Variants in ZNF774 observed in about 807,000 individuals in gnomAD.
The protein encoded by ZNF774 is zinc finger protein 774.
ZNF774 carries 14 observed loss-of-function variants against 11.1 expected under a neutral mutation model. That is an observed-to-expected ratio of 1.26 (90% confidence interval 0.83 to 1.97). The LOEUF (loss-of-function observed/expected upper bound fraction) is 1.97. Ranked by LOEUF, ZNF774 falls within the 30% of genes most tolerant of loss-of-function variation. The pLI, the probability that ZNF774 is intolerant of heterozygous loss-of-function variation, is 0.00. For synonymous variants in ZNF774, 195 were observed against 212.6 expected (o/e 0.92, Z 0.72); for missense variants, 599 against 587.0 (o/e 1.02, Z -0.21).
chr15:90,360,712 A>G lies in ZNF774; in HGVS notation c.881A>G (p.Asn294Ser). Reference sequence around the variant, plus strand: ...ACAGGGGTGAAGCCTTACAGGTGTAATGACTGTGGGGAGAGTTTTAGCCAG... The same window carrying G: ...ACAGGGGTGAAGCCTTACAGGTGTAGTGACTGTGGGGAGAGTTTTAGCCAG... The part of the protein sequence containing the change: ...THTGVKPYRC[N>S]DCGESFSQSS... The change falls in exon 4 of 4, where the codon AAT (asparagine) becomes AGT (serine). Residue 294 changes from asparagine to serine, a missense_variant. By Grantham distance (46) the Asn-to-Ser change is conservative (BLOSUM62 1). Coordinates refer to ENST00000354377, the MANE Select transcript of ZNF774 (RefSeq NM_001004309.3). The G allele has an allele frequency of 6.2e-7, 1 of 1,614,188 alleles. No homozygotes were observed.
chr15:90,361,334 G>A lies in ZNF774; in HGVS notation c.*51G>A. On this transcript the variant is annotated 3_prime_UTR_variant, in exon 4 of 4. Coordinates refer to ENST00000354377, the MANE Select transcript of ZNF774 (RefSeq NM_001004309.3). ...TCCCTTGCACATTTTCATTGCTACT[G>A]TCTTCAAGCACCCCAAATAGAGAAA... is the stretch of plus-strand genomic sequence containing the variant. 6.5e-7 allele frequency: 1 copy of A among 1,527,542 alleles called. No homozygotes were observed. Among genetic ancestry groups the A allele is most frequent in the Non-Finnish European group, 8.7e-7 (1 of 1,143,096 alleles). 94.6% of individuals were successfully genotyped at this position (1,527,542 alleles called of 1,614,324 possible).
Position 90,361,114 on chromosome 15 carries a change from A to G in ZNF774, c.1283A>G (p.Asp428Gly). ...ACCCATCAGCGAATCCACTTAGGAG[A>G]CAGGCCCTATCGATGTCCTGAGTGT... Reference protein sequence around the residue: ...FITHQRIHLGDRPYRCPECGK... With the variant: ...FITHQRIHLGGRPYRCPECGK... The change falls in exon 4 of 4, where the codon GAC becomes GGC. Residue 428 changes from aspartate to glycine, a missense_variant. Transcript: ENST00000354377. 6.2e-7 allele frequency: 1 copy of G among 1,614,186 alleles called. No homozygotes were observed. The highest frequency in any genetic ancestry group is 8.5e-7 in the Non-Finnish European group (1 of 1,180,032).
Position 90,358,022 on chromosome 15 carries a change from A to G in ZNF774, c.105-829A>G, listed in dbSNP as rs151083101. Among the ~76,000 whole-genome samples the G allele has an allele frequency of 8.3e-3, 1,265 of 151,544 alleles. 64 individuals carry two copies. The highest frequency in any genetic ancestry group is 0.076 in the Admixed American group (1,152 of 15,198). ...GCGATTCTCCTGCCTCAGCCTCCCG[A>G]GTAACTGGGACTACAGGCCTGTGCC... On this transcript the variant is annotated intron_variant, in intron 2 of 3. Transcript: ENST00000354377.
rs374978542 is a variant in ZNF774 at position 90,361,342 on chromosome 15, G to C, written c.*59G>C. The C allele has an allele frequency of 6.6e-7, 1 of 1,523,728 alleles. No individual in the cohort carries two copies. Among genetic ancestry groups the C allele is most frequent in the African/African-American group, 1.4e-5 (1 of 72,108 alleles). The allele number at this position is 1,523,728 out of a possible 1,614,324, so 94.4% of individuals were successfully genotyped here. ...ACATTTTCATTGCTACTGTCTTCAA[G>C]CACCCCAAATAGAGAAAACCTGGGC... On this transcript the variant is annotated 3_prime_UTR_variant, in exon 4 of 4. Transcript: ENST00000354377.
At chr15:90,356,896 G>A (rs1408232676) in intron 2 of ZNF774, among the ~76,000 whole-genome samples, 2 of 152,032 alleles carry the variant, frequency 1.3e-5, no homozygotes, top group African/African-American at 4.8e-5. Context: ...CAGCACAGGA[G>A]TTCGAGGCTG....
chr15:90,361,263 C>G lies in ZNF774; in HGVS notation c.1432C>G (p.Gln478Glu), dbSNP rs756874550. ...TCAGAAAGCGCATCTTTTATGCCAT[C>G]AAAACACCCATTTGATTTAGGAAGT... ...FRQKAHLLCH[Q>E]NTHLI Residue 478 changes from glutamine (Q) to glutamate (E), a missense_variant, in exon 4 of 4, where the codon CAA (glutamine) becomes GAA (glutamate). Physicochemically the swap from Gln to Glu is conservative, Grantham distance 29. Coordinates refer to ENST00000354377, the MANE Select transcript of ZNF774 (RefSeq NM_001004309.3). 1.0e-5 allele frequency: 16 copies of G among 1,604,026 alleles called. No homozygotes were observed. The highest frequency in any genetic ancestry group is 1.7e-4 in the Middle Eastern group (1 of 6,046).
Position 90,361,485 on chromosome 15 carries a change from T to A in ZNF774, c.*202T>A. 7.3e-7 allele frequency: 1 copy of A among 1,363,638 alleles called. No homozygotes were observed. Among genetic ancestry groups the A allele is most frequent in the Non-Finnish European group, 9.4e-7 (1 of 1,060,978 alleles). 84.5% of individuals were successfully genotyped at this position (1,363,638 alleles called of 1,614,324 possible). ...CCGAATACAAAAGGCATTCCTTCAG[T>A]GTGTGACTGACTCTTAGGGAAATGT... On this transcript the variant is annotated 3_prime_UTR_variant, in exon 4 of 4. Coordinates refer to ENST00000354377, the MANE Select transcript of ZNF774 (RefSeq NM_001004309.3).
chr15:90,357,317 G>A (rs1044761081), intron 2 of ZNF774, among the ~76,000 whole-genome samples: 2 of 152,018 alleles, frequency 1.3e-5, no homozygotes, highest in African/African-American at 4.8e-5. Context: ...GACCAGCCTG[G>A]GCAACATAAT....
Position 90,360,734 on chromosome 15 carries a change from C to A in ZNF774, c.903C>A (p.Ser301Arg). The A allele has an allele frequency of 1.2e-6, 2 of 1,614,126 alleles. No homozygotes were observed. Among genetic ancestry groups the A allele is most frequent in the Non-Finnish European group, 8.5e-7 (1 of 1,179,996 alleles). Residue 301 changes from serine (S) to arginine (R), a missense_variant, in exon 4 of 4, where the codon AGC becomes AGA. Ser to Arg is a moderately radical substitution (Grantham distance 110). Transcript: ENST00000354377. ...GTAATGACTGTGGGGAGAGTTTTAG[C>A]CAGAGCTCGGATTTGATTAAGCACC... ...YRCNDCGESF[S>R]QSSDLIKHQR...
Position 90,362,641 on chromosome 15 carries a change from G to A in ZNF774, c.*1358G>A, listed in dbSNP as rs765764557. 2.1e-5 allele frequency: 31 copies of A among 1,483,700 alleles called. 1 individual carries two copies. The Middle Eastern group carries it at 6.8e-4, about 32-fold the overall frequency. 91.9% of individuals were successfully genotyped at this position (1,483,700 alleles called of 1,614,324 possible). ...GAAAGAACACCGACTTCATTGAGAA[G>A]GTAAAGTATTTGAGTCCTGGCCCTG... is the stretch of plus-strand genomic sequence containing the variant. On this transcript the variant is annotated 3_prime_UTR_variant, in exon 4 of 4. Coordinates refer to ENST00000354377, the MANE Select transcript of ZNF774 (RefSeq NM_001004309.3).
At position 90,354,755 on chromosome 15, in the gene ZNF774, C is replaced by T. The variant is rs751045394; in HGVS notation, c.95C>T (p.Ala32Val). Residue 32 changes from alanine to valine, a missense_variant, in exon 2 of 4, where the codon GCT (alanine) becomes GTT (valine). Coordinates refer to ENST00000354377, the MANE Select transcript of ZNF774 (RefSeq NM_001004309.3). ...CACCCAGCACAGTTAGAAGAATGGG[C>T]TCTCAAAGGGTAAGAATGCTACTCT... Reference protein sequence around the residue: ...ECHPAQLEEWALKGISRPSVI... With the variant: ...ECHPAQLEEWVLKGISRPSVI... The T allele has an allele frequency of 1.2e-6, 2 of 1,610,268 alleles. No individual in the cohort carries two copies. Among genetic ancestry groups the T allele is most frequent in the African/African-American group, 2.7e-5 (2 of 74,840 alleles).
Position 90,361,049 on chromosome 15 carries a change from A to G in ZNF774, c.1218A>G (p.Gly406=), listed in dbSNP as rs747972757. Residue 406 remains glycine, a synonymous_variant, in exon 4 of 4, where the codon GGA becomes GGG. Coordinates refer to ENST00000354377, the MANE Select transcript of ZNF774 (RefSeq NM_001004309.3). The stretch of plus-strand genomic sequence containing the variant: ...CCGGAGAAAGACCCTACAAATGTGG[A>G]GAGTGTGGGAAGAGCTTCAATCAGA... The part of the protein sequence containing the change: ...IHTGERPYKC[G]ECGKSFNQSS... 1.5e-5 allele frequency: 24 copies of G among 1,614,050 alleles called. No individual in the cohort carries two copies. Among genetic ancestry groups the G allele is most frequent in the Middle Eastern group, 1.6e-4 (1 of 6,084 alleles).
rs1335613969 is a variant in ZNF774, at chr15:90,354,711, G to T, written c.51G>T (p.Glu17Asp). Reference protein sequence around the residue: ...GKSGLPGHCLENPLQECHPAQ... With the variant: ...GKSGLPGHCLDNPLQECHPAQ... The stretch of plus-strand genomic sequence containing the variant: ...GTGGGTTACCTGGACACTGCTTAGA[G>T]AATCCTCTCCAGGAATGCCACCCAG... The change falls in exon 2 of 4, where the codon GAG becomes GAT. Residue 17 changes from glutamate (E) to aspartate (D), a missense_variant. By Grantham distance (45) the Glu-to-Asp change is conservative. Transcript: ENST00000354377. The T allele has an allele frequency of 6.2e-7, 1 of 1,612,594 alleles. No homozygotes were observed. The highest frequency in any genetic ancestry group is 8.5e-7 in the Non-Finnish European group (1 of 1,179,418).
chr15:90,361,673 A>G lies in ZNF774; in HGVS notation c.*390A>G, dbSNP rs12101545. 16,615 of 267,936 alleles carry G rather than the reference A, an allele frequency of 0.062. 2,071 individuals are homozygous for G. Among genetic ancestry groups the G allele is most frequent in the African/African-American group, 0.3 (13,226 of 43,602 alleles). 16.6% of individuals were successfully genotyped at this position (267,936 alleles called of 1,614,324 possible). A position where few individuals can be genotyped will look rare whatever the true frequency, so the allele number is the denominator to read the frequency against. On this transcript the variant is annotated 3_prime_UTR_variant, in exon 4 of 4. Coordinates refer to ENST00000354377, the MANE Select transcript of ZNF774 (RefSeq NM_001004309.3). ...CTAAAAATGCAAAAATTAGCTGGGC[A>G]TGGTGGCACGTGCCTGTAGTCCCAG... is the stretch of plus-strand genomic sequence containing the variant.
Position 90,360,205 on chromosome 15 carries a change from C to G in ZNF774, c.374C>G (p.Pro125Arg), listed in dbSNP as rs1964306843. Residue 125 changes from proline to arginine, a missense_variant, in exon 4 of 4, where the codon CCA becomes CGA. By Grantham distance (103) the Pro-to-Arg change is moderately radical. Coordinates refer to ENST00000354377, the MANE Select transcript of ZNF774 (RefSeq NM_001004309.3). ...LELEGQHGTLPGEGQLESFSQ... is the reference protein window; with the variant it reads ...LELEGQHGTLRGEGQLESFSQ... ...TTAGAAGGGCAACATGGAACCCTTCCAGGAGAGGGCCAGCTGGAGTCCTTT... is the reference window on the plus strand; with the variant it reads ...TTAGAAGGGCAACATGGAACCCTTCGAGGAGAGGGCCAGCTGGAGTCCTTT... 5 of 1,614,144 alleles carry G rather than the reference C, an allele frequency of 3.1e-6. No homozygotes were observed. Among genetic ancestry groups the G allele is most frequent in the Non-Finnish European group, 4.2e-6 (5 of 1,180,032 alleles).
chr15:90,360,943 G>T lies in ZNF774; in HGVS notation c.1112G>T (p.Gly371Val), dbSNP rs370675037. The T allele has an allele frequency of 1.1e-5, 18 of 1,614,052 alleles. No individual in the cohort carries two copies. Among genetic ancestry groups the T allele is most frequent in the African/African-American group, 2.7e-5 (2 of 74,920 alleles). Reference protein sequence around the residue: ...HLVTHQRTHTGERPFKCENCG... With the variant: ...HLVTHQRTHTVERPFKCENCG... ...GTCACGCACCAAAGAACACACACAG[G>T]TGAGAGACCTTTTAAGTGCGAAAAC... Residue 371 changes from glycine (G) to valine (V), a missense_variant, in exon 4 of 4, where the codon GGT becomes GTT. Coordinates refer to ENST00000354377, the MANE Select transcript of ZNF774 (RefSeq NM_001004309.3).
intron 2 of ZNF774, among the ~76,000 whole-genome samples, chr15:90,355,746 C>T (rs1336363542): frequency 1.8e-5 from 1 of 54,788 alleles, no homozygotes; most frequent in Non-Finnish European, 3.7e-5. Context: ...AAAAAAAAAA[C>T]AAGGCTGGGC....
In ZNF774 at chr15:90,361,766, C is replaced by A; in HGVS notation, c.*483C>A. 6.3e-6 allele frequency: 1 copy of A among 157,522 alleles called. No homozygotes were observed. The highest frequency in any genetic ancestry group is 1.4e-5 in the Non-Finnish European group (1 of 71,224). 9.8% of individuals were successfully genotyped at this position (157,522 alleles called of 1,614,324 possible). A position where few individuals can be genotyped will look rare whatever the true frequency, so the allele number is the denominator to read the frequency against. On this transcript the variant is annotated 3_prime_UTR_variant, in exon 4 of 4. Transcript: ENST00000354377. ...GGTGCAGGTTGCAGTGAGTTGAGAT[C>A]ATGCCACTGCACTCCAGCCTGGGCA...
intron 1 of ZNF774, among the ~76,000 whole-genome samples, chr15:90,352,829 C>G (rs1420123369): frequency 6.6e-6 from 1 of 152,030 alleles, no homozygotes; most frequent in Non-Finnish European, 1.5e-5. Flanking sequence ...GTCACCTGTG[C>G]ATGGGGAAAG....
Sources: allele counts gnomAD v4.1 joint callset (sites outside exome capture counted in the v4.1 genomes callset), GRCh38; gene constraint gnomAD v4.1.1; transcripts MANE v1.5; gene names NCBI Gene and HGNC (gene_info 2026-07-23, HGNC 2026-07-21).